PREX2: variants seen among roughly 807,000 people sequenced by gnomAD.
PREX2 encodes phosphatidylinositol-3,4,5-trisphosphate dependent Rac exchange factor 2.
PREX2 carries 107 observed loss-of-function variants against 203.2 expected under a neutral mutation model. The ratio of observed to expected loss-of-function variants is 0.53; its 90% CI spans 0.45 to 0.62. The LOEUF is 0.62. PREX2 is among the 20% of genes least tolerant of loss of function. PREX2 has a pLI of 0.00. For synonymous variants in PREX2, 672 were observed against 663.6 expected (o/e 1.01, Z -0.19); for missense variants, 1,777 against 1,955.9 (o/e 0.91, Z 1.72).
At chr8:68,043,019 T>C (rs1302152284) in intron 7 of PREX2, among the ~76,000 whole-genome samples, 4 of 152,142 alleles carry the variant, frequency 2.6e-5, no homozygotes, top group Non-Finnish European at 5.9e-5. Context: ...TTAAGTTAGA[T>C]GTACCAACTT....
chr8:68,104,719 C>T (rs1810358608), intron 23 of PREX2, among the ~76,000 whole-genome samples: 2 of 152,178 alleles, frequency 1.3e-5, no homozygotes, highest in African/African-American at 2.4e-5. Context: ...ATGTAACCTC[C>T]CGGAAGACAG....
chr8:68,092,610 GT>G (rs1310950815), intron 20 of PREX2, among the ~76,000 whole-genome samples: 1 of 152,084 alleles, frequency 6.6e-6, no homozygotes, highest in Non-Finnish European at 1.5e-5. Flanking sequence ...AAAATAGGAT[GT>G]TTTTTATTTG....
intron 33 of PREX2, among the ~76,000 whole-genome samples, chr8:68,138,892 G>A (rs565266575): frequency 6.6e-6 from 1 of 152,182 alleles, no homozygotes; most frequent in African/African-American, 2.4e-5. Flanking sequence ...TAGGCTAGAA[G>A]GTGTAAGCTT....
chr8:67,978,453 G>C (rs1806172118), intron 1 of PREX2, among the ~76,000 whole-genome samples: 1 of 152,140 alleles, frequency 6.6e-6, no homozygotes. Context: ...AATTTTGTAT[G>C]AATAGACTTA....
At chr8:68,189,170 A>G (rs78462607) in intron 35 of PREX2, among the ~76,000 whole-genome samples, 1,725 of 152,326 alleles carry the variant, frequency 0.011, 45 homozygotes, top group African/African-American at 0.039. Context: ...TCACAGTTTA[A>G]TCCTACATAA....
chr8:68,233,351 G>C lies in PREX2; in HGVS notation c.*1973G>C, dbSNP rs1194660011. 6.6e-6 allele frequency: 1 copy of C among 152,116 alleles called. No individual in the cohort carries two copies. The highest frequency in any genetic ancestry group is 1.5e-5 in the Non-Finnish European group (1 of 68,018). 9.4% of individuals were successfully genotyped at this position (152,116 alleles called of 1,614,324 possible). The stretch of plus-strand genomic sequence containing the variant: ...TGCAAGGGTCATTAAAATGATTTCA[G>C]TTGTACTTTGCCATATTTCATGGGG... On this transcript the variant is annotated 3_prime_UTR_variant, in exon 40 of 40. Transcript: ENST00000288368.
intron 8 of PREX2, among the ~76,000 whole-genome samples, chr8:68,049,220 A>T (rs1305166085): frequency 2.0e-5 from 3 of 151,340 alleles, no homozygotes; most frequent in East Asian, 1.9e-4. Flanking sequence ...TATTCAAAAA[A>T]TTTTTCTCAA....
chr8:68,082,348 C>T (rs1809556179), intron 17 of PREX2: 3 of 152,204 alleles, frequency 2.0e-5, no homozygotes, highest in African/African-American at 7.2e-5. Flanking sequence ...GTCACCCATC[C>T]TCCTATCTGC....
chr8:68,231,202 G>T, intron 39 of PREX2, 131 bp from the exon 40 acceptor site: 1 of 587,398 alleles, frequency 1.7e-6, no homozygotes, highest in Non-Finnish European at 2.7e-6. Flanking sequence ...GTTATTTTTA[G>T]TGAAATAGAC....
intron 31 of PREX2, among the ~76,000 whole-genome samples, chr8:68,132,844 G>A (rs547323912): frequency 1.3e-5 from 2 of 152,200 alleles, no homozygotes; most frequent in African/African-American, 4.8e-5. Context: ...GGAATGTGTG[G>A]CTTTGTGTTT....
chr8:68,221,134 G>A (rs1337318101), intron 38 of PREX2, among the ~76,000 whole-genome samples: 1 of 152,160 alleles, frequency 6.6e-6, no homozygotes, highest in Non-Finnish European at 1.5e-5. Flanking sequence ...TTCTATTCAA[G>A]TGTTAATTCA....
intron 30 of PREX2, among the ~76,000 whole-genome samples, chr8:68,123,118 C>A (rs1202720431): frequency 6.6e-6 from 1 of 152,040 alleles, no homozygotes. Flanking sequence ...AAGTCTCCAA[C>A]TATTATTGTG....
At chr8:67,972,204 C>CTTGAT (rs1406386757) in intron 1 of PREX2, among the ~76,000 whole-genome samples, 1 of 152,172 alleles carries the variant, frequency 6.6e-6, no homozygotes, top group African/African-American at 2.4e-5. Flanking sequence ...AGTAATCGCC[C>CTTGAT]TTGATTTCTG....
chr8:68,121,877 T>TA (rs1810781207), intron 30 of PREX2, among the ~76,000 whole-genome samples: 1 of 152,148 alleles, frequency 6.6e-6, no homozygotes, highest in Non-Finnish European at 1.5e-5. Flanking sequence ...AATTCTCTGA[T>TA]ACAAAATGTT....
intron 1 of PREX2, among the ~76,000 whole-genome samples, chr8:67,992,407 C>A (rs1488112258): frequency 6.6e-6 from 1 of 152,176 alleles, no homozygotes; most frequent in Non-Finnish European, 1.5e-5. Flanking sequence ...GTGTAATTAA[C>A]ATTTCTTTAG....
At chr8:68,136,923 TGAG>T (rs1305359986) in intron 32 of PREX2, among the ~76,000 whole-genome samples, 1 of 151,856 alleles carries the variant, frequency 6.6e-6, no homozygotes, top group East Asian at 2.0e-4. Flanking sequence ...TTTTTTTTTT[TGAG>T]ACAGAGTCTC....
intron 1 of PREX2, among the ~76,000 whole-genome samples, chr8:68,011,401 C>CA (rs992395705): frequency 7.5e-5 from 11 of 147,516 alleles, no homozygotes; most frequent in Non-Finnish European, 1.3e-4. Flanking sequence ...ATTCCCAAGT[C>CA]AAAAAAAATG....
intron 35 of PREX2, among the ~76,000 whole-genome samples, chr8:68,176,307 A>T (rs1006141580): frequency 2.0e-5 from 3 of 152,338 alleles, no homozygotes; most frequent in Admixed American, 6.5e-5. Context: ...GAAAAAATAT[A>T]GAAATATGCT....
chr8:68,155,375 T>G (rs984857627), intron 34 of PREX2, among the ~76,000 whole-genome samples: 1 of 152,186 alleles, frequency 6.6e-6, no homozygotes, highest in East Asian at 1.9e-4. Flanking sequence ...TTTTCTCAAG[T>G]ATAAACTGGT....
Sources: gnomAD v4.1 joint callset for allele counts (sites outside exome capture counted in the v4.1 genomes callset) on GRCh38, gnomAD v4.1.1 for gene constraint, MANE v1.5 for transcripts, NCBI Gene and HGNC (gene_info 2026-07-23, HGNC 2026-07-21) for gene names.